The following TSPAN12 variants were observed in gnomAD, a reference collection of about 807,000 sequenced individuals.
The protein encoded by TSPAN12 is tetraspanin-12.
Under a neutral mutation model 39.2 loss-of-function variants are expected in TSPAN12, and 19 were observed. That is an observed-to-expected ratio of 0.49 (90% CI 0.34 to 0.71). The LOEUF (loss-of-function observed/expected upper bound fraction) is 0.71, where lower values mean the gene tolerates loss of function less well. Among genes scored for constraint, TSPAN12 ranks in the 30% least tolerant of loss-of-function variants. The probability of loss-of-function intolerance (pLI) is 0.01; values close to 1 mark genes in which losing one functional copy is unlikely to be tolerated. For missense variants in TSPAN12, 314 were observed against 359.9 expected (o/e 0.87, Z 1.03); for synonymous variants, 119 against 124.8 (o/e 0.95, Z 0.31).
chr7:120,824,552 T>C (rs537817168), intron 4 of TSPAN12, among the ~76,000 whole-genome samples: 120 of 152,348 alleles, frequency 7.9e-4, no homozygotes, highest in African/African-American at 2.8e-3. Flanking sequence ...AATTCTGTTA[T>C]TGTCAATTTC....
At chr7:120,798,706 C>A (rs1281187771) in intron 7 of TSPAN12, among the ~76,000 whole-genome samples, 1 of 152,190 alleles carries the variant, frequency 6.6e-6, no homozygotes. Flanking sequence ...AGAATCCAAT[C>A]CCTGCCTTCG....
intron 4 of TSPAN12, among the ~76,000 whole-genome samples, chr7:120,829,388 A>AT (rs58205285): frequency 0.017 from 2,501 of 146,780 alleles, 50 homozygotes; most frequent in African/African-American, 0.056. Flanking sequence ...ACTAACCATG[A>AT]TTTTTTTTTT....
intron 2 of TSPAN12, among the ~76,000 whole-genome samples, chr7:120,846,784 G>T (rs1366577940): frequency 6.6e-6 from 1 of 152,196 alleles, no homozygotes; most frequent in South Asian, 2.1e-4. Context: ...AACAAGCGCT[G>T]AGAAGACATA....
At chr7:120,820,505 T>C (rs757618757) in intron 4 of TSPAN12, among the ~76,000 whole-genome samples, 1 of 152,148 alleles carries the variant, frequency 6.6e-6, no homozygotes, top group Non-Finnish European at 1.5e-5. Flanking sequence ...TCCTCATCAC[T>C]GTTTTCCAGT....
chr7:120,794,364 A>T (rs1463681620), intron 7 of TSPAN12, among the ~76,000 whole-genome samples: 1 of 152,162 alleles, frequency 6.6e-6, no homozygotes, highest in Non-Finnish European at 1.5e-5. Flanking sequence ...GTTGGAAGTA[A>T]GGCCTGGTGG....
At chr7:120,850,683 G>A (rs1422355153) in intron 2 of TSPAN12, among the ~76,000 whole-genome samples, 2 of 151,838 alleles carry the variant, frequency 1.3e-5, no homozygotes. Flanking sequence ...TTTGCTCTGA[G>A]ACTAAAAGAT....
chr7:120,810,427 C>T (rs769907084), intron 6 of TSPAN12, 36 bp downstream of exon 6: 1 of 1,324,938 alleles, frequency 7.5e-7, no homozygotes, highest in Non-Finnish European at 1.1e-6. Context: ...GCACCACTTA[C>T]TTCACTCTCT....
At chr7:120,795,627 A>C (rs988530243) in intron 7 of TSPAN12, among the ~76,000 whole-genome samples, 6 of 152,218 alleles carry the variant, frequency 3.9e-5, no homozygotes, top group Admixed American at 3.9e-4. Context: ...ATACATGCCA[A>C]TATTAATATT....
intron 4 of TSPAN12, among the ~76,000 whole-genome samples, chr7:120,834,016 A>C (rs1024777564): frequency 2.0e-5 from 3 of 152,044 alleles, no homozygotes; most frequent in Admixed American, 1.3e-4. Flanking sequence ...TTTCTTAGTC[A>C]TTTTTGGCTT....
intron 2 of TSPAN12, among the ~76,000 whole-genome samples, chr7:120,853,563 A>T (rs993813893): frequency 6.7e-6 from 1 of 149,602 alleles, no homozygotes; most frequent in Admixed American, 6.7e-5. Context: ...GTATTTATAC[A>T]TATAAAATCC....
chr7:120,799,581 T>A (rs1584924981), intron 7 of TSPAN12, among the ~76,000 whole-genome samples: 1 of 107,696 alleles, frequency 9.3e-6, no homozygotes, highest in African/African-American at 3.8e-5. Context: ...TATATAATTA[T>A]ATGTAATAAT....
chr7:120,818,057 A>G (rs1794118311), intron 4 of TSPAN12, among the ~76,000 whole-genome samples: 1 of 152,168 alleles, frequency 6.6e-6, no homozygotes, highest in African/African-American at 2.4e-5. Context: ...GTCAGCACAG[A>G]CAAGAAAGAA....
chr7:120,827,464 T>C (rs890365865), intron 4 of TSPAN12, among the ~76,000 whole-genome samples: 2 of 152,224 alleles, frequency 1.3e-5, no homozygotes, highest in African/African-American at 2.4e-5. Context: ...TGTTACACTC[T>C]GATTCACAGT....
At chr7:120,828,719 A>T (rs1027782337) in intron 4 of TSPAN12, among the ~76,000 whole-genome samples, 1 of 149,562 alleles carries the variant, frequency 6.7e-6, no homozygotes, top group African/African-American at 2.5e-5. Flanking sequence ...TTCGGAATGA[A>T]AGTACTTTCA....
chr7:120,811,832 G>A (rs569597536), intron 5 of TSPAN12, among the ~76,000 whole-genome samples: 47 of 152,162 alleles, frequency 3.1e-4, no homozygotes, highest in African/African-American at 1.1e-3. Context: ...TTTCTCACTC[G>A]TATGTGGGAG....
intron 2 of TSPAN12, among the ~76,000 whole-genome samples, chr7:120,842,107 T>C (rs1794589191): frequency 6.6e-6 from 1 of 152,216 alleles, no homozygotes; most frequent in South Asian, 2.1e-4. Flanking sequence ...AGCTTTAGCT[T>C]TAAATGCTGA....
intron 7 of TSPAN12, among the ~76,000 whole-genome samples, chr7:120,801,724 G>A (rs1793775694): frequency 1.3e-5 from 2 of 152,126 alleles, no homozygotes; most frequent in Admixed American, 1.3e-4. Flanking sequence ...TCTTGAGGTA[G>A]CACACAGAGG....
intron 6 of TSPAN12, among the ~76,000 whole-genome samples, chr7:120,808,408 C>T (rs1314061430): frequency 6.6e-6 from 1 of 152,104 alleles, no homozygotes; most frequent in East Asian, 1.9e-4. Context: ...ATCATACCAA[C>T]ATATTACTGT....
intron 7 of TSPAN12, among the ~76,000 whole-genome samples, chr7:120,795,103 T>A (rs1299596382): frequency 6.6e-6 from 1 of 152,228 alleles, no homozygotes; most frequent in Non-Finnish European, 1.5e-5. Context: ...AGGCAAATGA[T>A]AAAATTCAAA....
Sources: gnomAD v4.1 joint callset for allele counts (sites outside exome capture counted in the v4.1 genomes callset) on GRCh38, gnomAD v4.1.1 for gene constraint, MANE v1.5 for transcripts, NCBI Gene and HGNC (gene_info 2026-07-23, HGNC 2026-07-21) for gene names.